Variants in PLEKHA6 observed in about 807,000 individuals in gnomAD.
PLEKHA6 encodes pleckstrin homology domain containing A6, also known as pleckstrin homology domain-containing family A member 6.
Under a neutral mutation model 116.7 loss-of-function variants are expected in PLEKHA6, and 60 were observed. That is an observed-to-expected ratio of 0.51 (90% CI 0.42 to 0.64). The LOEUF (loss-of-function observed/expected upper bound fraction) is 0.64. Ranked by LOEUF, PLEKHA6 falls within the 30% of genes least tolerant of loss-of-function variation. PLEKHA6 has a pLI of 0.00. For synonymous variants in PLEKHA6, 489 were observed against 556.1 expected (o/e 0.88, Z 1.70); for missense variants, 1,338 against 1,422.7 (o/e 0.94, Z 0.96).
intron 1 of PLEKHA6, among the ~76,000 whole-genome samples, chr1:204,306,411 C>T (rs1252004779): frequency 1.3e-5 from 2 of 152,172 alleles, no homozygotes; most frequent in African/African-American, 2.4e-5. Context: ...CCACCATCCA[C>T]CAATCACCTG....
At chr1:204,256,160 T>C (rs1571911012) in intron 9 of PLEKHA6, among the ~76,000 whole-genome samples, 1 of 152,104 alleles carries the variant, frequency 6.6e-6, no homozygotes, top group African/African-American at 2.4e-5. Context: ...GGCCTCCTGG[T>C]ACTGTTATGG....
chr1:204,275,700 C>T (rs1036076893), intron 1 of PLEKHA6: 3 of 985,188 alleles, frequency 3.0e-6, no homozygotes, highest in Non-Finnish European at 3.6e-6. Context: ...CGCAGAGGGG[C>T]TGATGCAGCG....
At chr1:204,315,300 C>G (rs1257914119) in intron 1 of PLEKHA6, among the ~76,000 whole-genome samples, 1 of 152,166 alleles carries the variant, frequency 6.6e-6, no homozygotes, top group Non-Finnish European at 1.5e-5. Flanking sequence ...ACATAAGGGT[C>G]CACCTCCACG....
intron 3 of PLEKHA6, among the ~76,000 whole-genome samples, chr1:204,272,791 A>G (rs954848575): frequency 1.3e-5 from 2 of 152,242 alleles, no homozygotes; most frequent in South Asian, 2.1e-4. Context: ...ATATTCTGCC[A>G]CTTGCTTTTT....
Position 204,336,830 on chromosome 1 carries a change from C to G in PLEKHA6, c.-95+22864G>C, listed in dbSNP as rs761549636. On this transcript the variant is annotated intron_variant, in intron 1 of 22. Transcript: ENST00000272203. ...CAGAATCACAAAAGCTAGCAACTGC[C>G]TGTGACAAGTCCCCTGCTAGGGCTG... is the stretch of plus-strand genomic sequence containing the variant. 4.9e-4 allele frequency among the ~76,000 whole-genome samples: 74 copies of G among 152,200 alleles called. 1 individual carries two copies. The highest frequency in any genetic ancestry group is 2.0e-4 in the Admixed American group (3 of 15,280).
chr1:204,333,445 T>C (rs1160222091), intron 1 of PLEKHA6, among the ~76,000 whole-genome samples: 1 of 152,196 alleles, frequency 6.6e-6, no homozygotes, highest in Non-Finnish European at 1.5e-5. Flanking sequence ...AATAACAATA[T>C]TAATAATAAT....
rs2102347304 is a variant in PLEKHA6 at position 204,219,198 on chromosome 1, A to C, written c.*3590T>G. 6.6e-6 allele frequency: 1 copy of C among 152,374 alleles called. No homozygotes were observed. The highest frequency in any genetic ancestry group is 1.9e-4 in the East Asian group (1 of 5,170). The allele number at this position is 152,374 out of a possible 1,614,324, so 9.4% of individuals were successfully genotyped here. A position where few individuals can be genotyped will look rare whatever the true frequency, so the allele number is the denominator to read the frequency against. On this transcript the variant is annotated 3_prime_UTR_variant, in exon 23 of 23. Transcript: ENST00000272203. ...AATACTAGCAAATCAAATTGGCCCC[A>C]ATATGTGCATAAATAGATATACGTG...
intron 10 of PLEKHA6, among the ~76,000 whole-genome samples, chr1:204,249,607 G>C (rs1019133088): frequency 6.6e-6 from 1 of 152,142 alleles, no homozygotes; most frequent in Non-Finnish European, 1.5e-5. Context: ...TGAAGAGGTG[G>C]GCCGGGTGTC....
rs1270165345 is a variant in PLEKHA6 at position 204,308,850 on chromosome 1, G to A, written c.-94-34041C>T. Among the ~76,000 whole-genome samples the A allele has an allele frequency of 4.6e-5, 7 of 151,710 alleles. No individual in the cohort carries two copies. In the East Asian group the frequency reaches 7.8e-4, roughly 17 times the overall value. On this transcript the variant is annotated intron_variant, in intron 1 of 22. Coordinates refer to ENST00000272203, the MANE Select transcript of PLEKHA6 (RefSeq NM_014935.5). ...ACTACAGGCACCCACCATCACGCCC[G>A]GCTAATTTTTTTGTATTTTTAGTAG...
chr1:204,278,099 C>T (rs539030498), intron 1 of PLEKHA6, among the ~76,000 whole-genome samples: 1 of 152,266 alleles, frequency 6.6e-6, no homozygotes, highest in South Asian at 2.1e-4. Flanking sequence ...ATGTTAATTC[C>T]CCTGAATTCT....
intron 1 of PLEKHA6, among the ~76,000 whole-genome samples, chr1:204,331,976 G>A (rs1558186242): frequency 6.6e-6 from 1 of 152,116 alleles, no homozygotes; most frequent in East Asian, 1.9e-4. Flanking sequence ...AGGAGCCGGG[G>A]TGCAAACACA....
At chr1:204,224,968 T>A (rs1485491535) in intron 21 of PLEKHA6, among the ~76,000 whole-genome samples, 3 of 152,192 alleles carry the variant, frequency 2.0e-5, no homozygotes, top group African/African-American at 7.2e-5. Flanking sequence ...CAGAATTTAC[T>A]CATATGGACC....
chr1:204,250,907 G>A (rs1664463849), intron 9 of PLEKHA6, among the ~76,000 whole-genome samples: 1 of 152,320 alleles, frequency 6.6e-6, no homozygotes, highest in East Asian at 1.9e-4. Flanking sequence ...TGCTAAGAGC[G>A]ACTGCAGGGT....
chr1:204,274,765 T>G lies in PLEKHA6; in HGVS notation c.-50A>C. ...AAATTTTTTGTTTTCCTCTGGGACC[T>G]GGCCAGTCACTGGGTGTAGAAATGT... is the stretch of plus-strand genomic sequence containing the variant. On this transcript the variant is annotated 5_prime_UTR_variant, in exon 2 of 23. Coordinates refer to ENST00000272203, the MANE Select transcript of PLEKHA6 (RefSeq NM_014935.5). The G allele has an allele frequency of 1.0e-6, 1 of 985,942 alleles. No homozygotes were observed. The highest frequency in any genetic ancestry group is 1.2e-6 in the Non-Finnish European group (1 of 829,974). The allele number at this position is 985,942 out of a possible 1,614,324, so 61.1% of individuals were successfully genotyped here.
chr1:204,347,025 T>G (rs1199603544), intron 1 of PLEKHA6: 1 of 1,438,682 alleles, frequency 7.0e-7, no homozygotes, highest in East Asian at 2.3e-5. Context: ...CTTTAACTTG[T>G]TTGTTTACAA....
At chr1:204,319,130 G>A (rs1671966373) in intron 1 of PLEKHA6, among the ~76,000 whole-genome samples, 1 of 152,192 alleles carries the variant, frequency 6.6e-6, no homozygotes, top group Admixed American at 6.5e-5. Context: ...CACTTCTGGT[G>A]GGAAGGAAAG....
chr1:204,241,997 A>G (rs1201034859), intron 15 of PLEKHA6, among the ~76,000 whole-genome samples, 183 bp from the exon 16 acceptor site: 1 of 152,216 alleles, frequency 6.6e-6, no homozygotes, highest in Admixed American at 6.5e-5. Flanking sequence ...CCATTCGTGC[A>G]CTTTAAGACT....
At chr1:204,301,354 G>T in intron 1 of PLEKHA6, 1 of 964,988 alleles carries the variant, frequency 1.0e-6, no homozygotes, top group Non-Finnish European at 1.2e-6. Context: ...TGTTGGCATG[G>T]GACAGGGGAG....
chr1:204,224,145 C>T (rs993730738), intron 21 of PLEKHA6, among the ~76,000 whole-genome samples: 1 of 152,098 alleles, frequency 6.6e-6, no homozygotes, highest in African/African-American at 2.4e-5. Context: ...CCTGCTAACA[C>T]TTGAGACCCC....
Sources: allele counts gnomAD v4.1 joint callset (sites outside exome capture counted in the v4.1 genomes callset), GRCh38; gene constraint gnomAD v4.1.1; transcripts MANE v1.5; gene names NCBI Gene and HGNC (gene_info 2026-07-23, HGNC 2026-07-21).